ZNF3: variants seen among roughly 807,000 people sequenced by gnomAD.
ZNF3 encodes C2-H2 type zinc finger protein.
A neutral mutation model predicts 36.9 loss-of-function variants in ZNF3; 16 were observed. That is an observed-to-expected ratio of 0.43 (90% CI 0.29 to 0.66). The LOEUF is 0.66. ZNF3 is among the 30% of genes least tolerant of loss of function. The pLI is 0.13. For missense variants in ZNF3, 462 were observed against 543.1 expected, an observed-to-expected ratio of 0.85 and a Z score of 1.48; for synonymous variants, 201 against 201.9, an observed-to-expected ratio of 1.00 and a Z score of 0.04.
Position 100,081,509 on chromosome 7 carries a change from G to A in ZNF3, c.-198+126C>T, listed in dbSNP as rs1794990674. Reference sequence around the variant, plus strand: ...GACGGGCTGCAGGGGACGGAGGGGCGCCTCCCCGAACCCTGCTCCGGGCCG... The same window carrying A: ...GACGGGCTGCAGGGGACGGAGGGGCACCTCCCCGAACCCTGCTCCGGGCCG... On this transcript the variant is annotated intron_variant, in intron 1 of 5. Transcript: ENST00000299667. This position sits in a 1 kb window ranked among gnomAD's most constrained non-coding sequence, Gnocchi z 4.3. 1 of 152,520 alleles carries A rather than the reference G, an allele frequency of 6.6e-6. No homozygotes were observed. Among genetic ancestry groups the A allele is most frequent in the Non-Finnish European group, 1.5e-5 (1 of 68,210 alleles). 9.4% of individuals were successfully genotyped at this position (152,520 alleles called of 1,614,324 possible).
At position 100,075,277 on chromosome 7, in the gene ZNF3, C is replaced by T. The variant is rs763704767; in HGVS notation, c.145-16G>A. The T allele has an allele frequency of 6.2e-6, 10 of 1,613,912 alleles. No individual in the cohort carries two copies. The highest frequency in any genetic ancestry group is 5.5e-5 in the South Asian group (5 of 91,064). On this transcript the variant is annotated splice_polypyrimidine_tract_variant and intron_variant, in intron 4 of 5. Coordinates refer to ENST00000299667, the MANE Select transcript of ZNF3 (RefSeq NM_032924.5). ...TTACCAGCTCCTGAAACAACACGTG[C>T]TGGCATGCAATTTCAGGGTGAGGAA... is the stretch of plus-strand genomic sequence containing the variant.
chr7:100,077,753 G>A (rs1794356366), intron 2 of ZNF3: 2 of 158,928 alleles, frequency 1.3e-5, no homozygotes, highest in Admixed American at 1.2e-4. Context: ...TTTTAAGACG[G>A]AATTTCACTC....
chr7:100,073,347 C>CT (rs956342032), intron 5 of ZNF3, among the ~76,000 whole-genome samples: 4 of 151,988 alleles, frequency 2.6e-5, no homozygotes, highest in Non-Finnish European at 4.4e-5. Flanking sequence ...ATTAATCTTT[C>CT]TTTTTTTGTT....
At position 100,078,153 on chromosome 7, in the gene ZNF3, ATATT is replaced by A. The variant is rs561965573; in HGVS notation, c.-76-724_-76-721del. Among the ~76,000 whole-genome samples the A allele has an allele frequency of 4.6e-5, 7 of 152,254 alleles. No individual in the cohort carries two copies. The East Asian group carries it at 9.7e-4, about 21-fold the overall frequency. ...TTGGCTGCCCCCATCACTTTGAGTA[ATATT>A]TATAACAAAATGCAGGAGCGGGTAT... On this transcript the variant is annotated intron_variant, in intron 2 of 5. Transcript: ENST00000299667.
rs1281434743 is a variant in ZNF3, at chr7:100,071,951, C to T, written c.533G>A (p.Gly178Glu). Reference sequence around the variant, plus strand: ...GTTGGAATTCACAGTGAAGCTGTTCCCAAAATCATTATATTTCTCGCTTCT... The same window carrying T: ...GTTGGAATTCACAGTGAAGCTGTTCTCAAAATCATTATATTTCTCGCTTCT... ...GERSEKYNDF[G>E]NSFTVNSNLI... is the part of the protein sequence containing the mutation. Residue 178 changes from glycine to glutamate, a missense_variant, in exon 6 of 6, where the codon GGG (glycine) becomes GAG (glutamate). Physicochemically the swap from Gly to Glu is moderately conservative, Grantham distance 98. Coordinates refer to ENST00000299667, the MANE Select transcript of ZNF3 (RefSeq NM_032924.5). 2.5e-6 allele frequency: 4 copies of T among 1,614,156 alleles called. No individual in the cohort carries two copies. Among genetic ancestry groups the T allele is most frequent in the Non-Finnish European group, 3.4e-6 (4 of 1,180,024 alleles).
intron 3 of ZNF3, among the ~76,000 whole-genome samples, chr7:100,075,898 C>T (rs1032935118): frequency 6.6e-6 from 1 of 152,180 alleles, no homozygotes; most frequent in Non-Finnish European, 1.5e-5. Flanking sequence ...TCTCTCCAGT[C>T]ACTCTTCTCT....
downstream of ZNF3, chr7:100,063,883 G>A (rs575445564): frequency 3.6e-5 from 58 of 1,613,970 alleles, 1 homozygote; most frequent in East Asian, 1.8e-4. Context: ...TGTGATTATC[G>A]CCAATAAACC....
chr7:100,069,459 C>T (rs1052320378), downstream of ZNF3, among the ~76,000 whole-genome samples: 2 of 149,270 alleles, frequency 1.3e-5, no homozygotes, highest in Non-Finnish European at 3.0e-5. Flanking sequence ...GACTGAGGCA[C>T]GGGAAGTGCT....
At position 100,070,144 on chromosome 7, in the gene ZNF3, G is replaced by A. The variant is rs1013608041; in HGVS notation, c.*999C>T. On this transcript the variant is annotated 3_prime_UTR_variant, in exon 6 of 6. Coordinates refer to ENST00000299667, the MANE Select transcript of ZNF3 (RefSeq NM_032924.5). The stretch of plus-strand genomic sequence containing the variant: ...GCTCAGGCACAGCCTGCCTTCTCTG[G>A]GCTTCGTTTTTTTGTTTTTTTGTTT... 2.8e-5 allele frequency: 28 copies of A among 984,512 alleles called. No homozygotes were observed. The highest frequency in any genetic ancestry group is 3.1e-5 in the Non-Finnish European group (26 of 829,820). 61.0% of individuals were successfully genotyped at this position (984,512 alleles called of 1,614,324 possible). A position where few individuals can be genotyped will look rare whatever the true frequency, so the allele number is the denominator to read the frequency against.
At chr7:100,075,283 T>A (rs903658779) in intron 4 of ZNF3, 22 bp from the exon 5 acceptor site, 38 of 1,613,956 alleles carry the variant, frequency 2.4e-5, no homozygotes, top group Non-Finnish European at 3.1e-5. Context: ...CGTGCTGGCA[T>A]GCAATTTCAG....
At chr7:100,068,604 G>A (rs1311251198), downstream of ZNF3, among the ~76,000 whole-genome samples, 1 of 150,964 alleles carries the variant, frequency 6.6e-6, no homozygotes, top group Non-Finnish European at 1.5e-5. Context: ...TTGGTCCACT[G>A]CACTCCAGCC....
intron 5 of ZNF3, among the ~76,000 whole-genome samples, chr7:100,073,505 C>A (rs531324643): frequency 1.4e-4 from 21 of 152,094 alleles, no homozygotes; most frequent in African/African-American, 5.1e-4. Context: ...CATGCCACCA[C>A]CCCCAGCTAA....
chr7:100,080,676 G>A (rs1311094304), intron 1 of ZNF3, among the ~76,000 whole-genome samples: 1 of 152,206 alleles, frequency 6.6e-6, no homozygotes, highest in African/African-American at 2.4e-5. Context: ...CGCCGGAGGT[G>A]GTGGCGGGCG....
intron 3 of ZNF3, among the ~76,000 whole-genome samples, chr7:100,076,659 A>G (rs1794166632): frequency 6.6e-6 from 1 of 152,112 alleles, no homozygotes; most frequent in African/African-American, 2.4e-5. Context: ...AATGATTCCG[A>G]AGCGCCTCCT....
At chr7:100,074,111 C>G (rs751339481) in intron 5 of ZNF3, among the ~76,000 whole-genome samples, 5 of 151,896 alleles carry the variant, frequency 3.3e-5, no homozygotes, top group Non-Finnish European at 4.4e-5. Flanking sequence ...GCCGAGACCA[C>G]GCTATTGCAC....
exon 6 of ZNF3, chr7:100,064,804 G>A (rs1792557590): frequency 6.2e-7 from 1 of 1,614,050 alleles, no homozygotes; most frequent in South Asian, 1.1e-5. Flanking sequence ...GGTGTCAGGA[G>A]GTTCCACACT....
rs758040781 is a variant in ZNF3 at position 100,072,086 on chromosome 7, T to G, written c.398A>C (p.Glu133Ala). 2 of 1,614,236 alleles carry G rather than the reference T, an allele frequency of 1.2e-6. No individual in the cohort carries two copies. The highest frequency in any genetic ancestry group is 1.3e-5 in the African/African-American group (1 of 75,074). Residue 133 changes from glutamate to alanine, a missense_variant, in exon 6 of 6, where the codon GAA becomes GCA. Glu to Ala is a moderately radical substitution (Grantham distance 107, BLOSUM62 -1). Coordinates refer to ENST00000299667, the MANE Select transcript of ZNF3 (RefSeq NM_032924.5). ...GLKFKEAYER[E>A]VSLKRPLGNS... ...CCCCAGCGGCCTTTTCAGACTGACT[T>G]CTCGTTCATAGGCTTCTTTAAACTT...
downstream of ZNF3, among the ~76,000 whole-genome samples, chr7:100,067,500 G>A (rs1432342612): frequency 1.3e-5 from 2 of 152,104 alleles, no homozygotes; most frequent in East Asian, 3.9e-4. Flanking sequence ...CAACTCCTGG[G>A]CTCAAGCAGT....
intron 3 of ZNF3, among the ~76,000 whole-genome samples, chr7:100,076,253 C>T (rs1235003412): frequency 6.6e-6 from 1 of 152,024 alleles, no homozygotes; most frequent in East Asian, 1.9e-4. Context: ...AAAAATGTTC[C>T]CTGTTTCTGT....
Sources: gnomAD v4.1 joint callset for allele counts (sites outside exome capture counted in the v4.1 genomes callset) on GRCh38, gnomAD v4.1.1 for gene constraint, Gnocchi (gnomAD v3.1) non-coding constraint, MANE v1.5 for transcripts, NCBI Gene and HGNC (gene_info 2026-07-23, HGNC 2026-07-21) for gene names.